The following WDTC1 variants were observed in gnomAD, a reference collection of about 807,000 sequenced individuals.
The protein encoded by WDTC1 is WD and tetratricopeptide repeats protein 1.
WDTC1 carries 12 observed loss-of-function variants against 76.0 expected under a neutral mutation model. The ratio of observed to expected loss-of-function variants is 0.16; its 90% CI spans 0.10 to 0.26. WDTC1 has a LOEUF of 0.26. Among genes scored for constraint, WDTC1 ranks in the 10% least tolerant of loss-of-function variants. The probability of loss-of-function intolerance (pLI) is 1.00; values close to 1 mark genes in which losing one functional copy is unlikely to be tolerated. For synonymous variants in WDTC1, 326 were observed against 350.8 expected (o/e 0.93, Z 0.79); for missense variants, 511 against 908.8 (o/e 0.56, Z 5.63).
At chr1:27,299,415 G>A (rs893432445) in intron 12 of WDTC1, among the ~76,000 whole-genome samples, 4 of 152,130 alleles carry the variant, frequency 2.6e-5, no homozygotes, top group South Asian at 2.1e-4. Context: ...GGGGAGCAGG[G>A]AAGCATCAGA....
chr1:27,256,216 T>A (rs2012275348), intron 1 of WDTC1, among the ~76,000 whole-genome samples: 1 of 152,042 alleles, frequency 6.6e-6, no homozygotes, highest in Non-Finnish European at 1.5e-5. Flanking sequence ...CTTACACAGC[T>A]AACACCACCT....
chr1:27,294,738 G>A lies in WDTC1; in HGVS notation c.873+109G>A, dbSNP rs1318385764. 4 of 872,530 alleles carry A rather than the reference G, an allele frequency of 4.6e-6. No homozygotes were observed. In the Admixed American group the frequency reaches 6.8e-5, roughly 15 times the overall value. The allele number at this position is 872,530 out of a possible 1,614,324, so 54.0% of individuals were successfully genotyped here. A position where few individuals can be genotyped will look rare whatever the true frequency, so the allele number is the denominator to read the frequency against. On this transcript the variant is annotated intron_variant, in intron 9 of 15. Transcript: ENST00000319394. ...GCAGACAAGACACAACAGCCTTATG[G>A]TAAATGATGTTACATTGAAATGTGG...
At chr1:27,286,607 C>T (rs1315691750) in intron 5 of WDTC1, among the ~76,000 whole-genome samples, 2 of 150,986 alleles carry the variant, frequency 1.3e-5, no homozygotes, top group Non-Finnish European at 2.9e-5. Flanking sequence ...GTAGCTGGGA[C>T]TACAGGCGCA....
chr1:27,243,033 A>G (rs567261801), intron 1 of WDTC1, among the ~76,000 whole-genome samples: 2 of 152,218 alleles, frequency 1.3e-5, no homozygotes, highest in African/African-American at 2.4e-5. Context: ...CCTTGTACCA[A>G]CTTAGTCCAT....
intron 10 of WDTC1, 74 bp downstream of exon 10, chr1:27,296,475 G>A: frequency 7.9e-6 from 12 of 1,512,642 alleles, no homozygotes. Flanking sequence ...CTGCTGAGAA[G>A]CCTGCCCTTT....
chr1:27,251,679 T>A (rs1294198207), intron 1 of WDTC1, among the ~76,000 whole-genome samples: 2 of 152,022 alleles, frequency 1.3e-5, no homozygotes, highest in African/African-American at 2.4e-5. Context: ...AATAATTAGC[T>A]GGGAATGGTG....
At chr1:27,242,942 C>T (rs2011676068) in intron 1 of WDTC1, among the ~76,000 whole-genome samples, 1 of 152,152 alleles carries the variant, frequency 6.6e-6, no homozygotes, top group Admixed American at 6.6e-5. Flanking sequence ...AAGCCAGGAG[C>T]CTCAAAGATG....
intron 12 of WDTC1, among the ~76,000 whole-genome samples, chr1:27,300,743 C>T (rs928776915): frequency 1.6e-4 from 24 of 152,258 alleles, no homozygotes; most frequent in Admixed American, 3.9e-4. Context: ...GCTGGTCAGA[C>T]CCTGCGTCCC....
Position 27,298,043 on chromosome 1 carries a change from T to C in WDTC1, c.1164T>C (p.Ala388=). 6.2e-7 allele frequency: 1 copy of C among 1,614,042 alleles called. No homozygotes were observed. The highest frequency in any genetic ancestry group is 8.5e-7 in the Non-Finnish European group (1 of 1,179,924). ...WTQAIQLYSK[A]VQRAPHNAML... ...AAGCCATTCAGCTTTACAGCAAGGC[T>C]GTGCAGAGGGCCCCTCACAATGCCA... Residue 388 remains alanine (A), a synonymous_variant, in exon 12 of 16, where the codon GCT becomes GCC. Coordinates refer to ENST00000319394, the MANE Select transcript of WDTC1 (RefSeq NM_001276252.2).
intron 1 of WDTC1, among the ~76,000 whole-genome samples, chr1:27,239,479 G>A (rs141830541): frequency 4.3e-5 from 6 of 140,334 alleles, no homozygotes; most frequent in East Asian, 2.1e-4. Flanking sequence ...CCAAGACTGC[G>A]CTACTGAACT....
chr1:27,272,755 A>G (rs2012907106), intron 3 of WDTC1, among the ~76,000 whole-genome samples: 1 of 152,108 alleles, frequency 6.6e-6, no homozygotes, highest in African/African-American at 2.4e-5. Context: ...CTCCACAAAT[A>G]AAAAATAGCT....
intron 12 of WDTC1, among the ~76,000 whole-genome samples, chr1:27,299,533 A>G (rs772891874): frequency 2.6e-5 from 4 of 151,928 alleles, no homozygotes; most frequent in Non-Finnish European, 5.9e-5. Context: ...AAATGGTGTG[A>G]ACAAAGGCAT....
At chr1:27,281,083 T>C (rs1480702348) in intron 3 of WDTC1, among the ~76,000 whole-genome samples, 1 of 152,140 alleles carries the variant, frequency 6.6e-6, no homozygotes, top group Non-Finnish European at 1.5e-5. Flanking sequence ...TGAATTAAGC[T>C]CTGGAAGATC....
rs767926609 is a variant in WDTC1 at position 27,297,897 on chromosome 1, CCTT to C, written c.1059-37_1059-35del. On this transcript the variant is annotated intron_variant, in intron 11 of 15. Transcript: ENST00000319394. ...CAGACTCCCTGAGGGGCTGCTCTGA[CCTT>C]CTTTGACTGTTCTGACTTGGCTCTA... 11 of 1,559,210 alleles carry C rather than the reference CCTT, an allele frequency of 7.1e-6. No individual in the cohort carries two copies. The East Asian group carries it at 2.1e-4, about 29-fold the overall frequency.
At chr1:27,279,096 C>T (rs1318232395) in intron 3 of WDTC1, among the ~76,000 whole-genome samples, 1 of 152,098 alleles carries the variant, frequency 6.6e-6, no homozygotes, top group East Asian at 1.9e-4. Flanking sequence ...ATTCATCACA[C>T]TTAGTACCAT....
chr1:27,295,666 G>A lies in WDTC1; in HGVS notation c.874-660G>A, dbSNP rs535514801. ...GATGGGGTTTCACGATGTTGGTCAG[G>A]CTAGTCTCGAACTCCTGACCTCAGG... On this transcript the variant is annotated intron_variant, in intron 9 of 15. Coordinates refer to ENST00000319394, the MANE Select transcript of WDTC1 (RefSeq NM_001276252.2). 9.8e-4 allele frequency among the ~76,000 whole-genome samples: 149 copies of A among 152,106 alleles called. 1 individual carries two copies. Among genetic ancestry groups the A allele is most frequent in the Middle Eastern group, 6.8e-3 (2 of 294 alleles).
At chr1:27,304,232 CTG>C (rs2013899692) in intron 14 of WDTC1, 1 of 176,846 alleles carries the variant, frequency 5.7e-6, no homozygotes, top group African/African-American at 2.4e-5. Context: ...GGGACAAACT[CTG>C]TGTTTCAGAC....
intron 1 of WDTC1, among the ~76,000 whole-genome samples, chr1:27,253,320 CCTCT>C (rs2012146427): frequency 6.6e-6 from 1 of 150,946 alleles, no homozygotes; most frequent in South Asian, 2.1e-4. Flanking sequence ...CGGCCGGCCT[CCTCT>C]CTGTTTCTGC....
chr1:27,299,761 G>C (rs558979666), intron 12 of WDTC1, among the ~76,000 whole-genome samples: 85 of 152,212 alleles, frequency 5.6e-4, no homozygotes, highest in African/African-American at 1.9e-3. Flanking sequence ...TGTGCCGAGG[G>C]CTGTCCTTTC....
Sources: allele counts gnomAD v4.1 joint callset (sites outside exome capture counted in the v4.1 genomes callset), GRCh38; gene constraint gnomAD v4.1.1; transcripts MANE v1.5; gene names NCBI Gene and HGNC (gene_info 2026-07-23, HGNC 2026-07-21).